Variants in ADGRL3 observed in about 807,000 individuals in gnomAD.
ADGRL3 encodes adhesion G protein-coupled receptor L3.
In ADGRL3, 62 loss-of-function variants were observed where a neutral mutation model predicts 153.5. The ratio of observed to expected loss-of-function variants is 0.40; its 90% CI spans 0.33 to 0.50. The LOEUF (loss-of-function observed/expected upper bound fraction) is 0.50. Ranked by LOEUF, ADGRL3 falls within the 20% of genes least tolerant of loss-of-function variation. ADGRL3 has a pLI of 0.47. For missense variants in ADGRL3, 1,641 were observed against 1,859.4 expected (o/e 0.88, Z 2.16); for synonymous variants, 710 against 672.5 (o/e 1.06, Z -0.86).
chr4:62,063,823 A>T (rs931846920), intron 25 of ADGRL3, among the ~76,000 whole-genome samples: 12 of 152,090 alleles, frequency 7.9e-5, no homozygotes, highest in East Asian at 5.8e-4. Context: ...TAAAAAATGG[A>T]TTCCTTCTGA....
chr4:61,757,328 T>A (rs2096847198), intron 8 of ADGRL3, among the ~76,000 whole-genome samples: 2 of 152,208 alleles, frequency 1.3e-5, no homozygotes, highest in Non-Finnish European at 2.9e-5. Flanking sequence ...GAGATTCAAC[T>A]TTTTCCTGGT....
At chr4:61,998,289 T>G (rs766901549) in intron 21 of ADGRL3, 24 bp downstream of exon 21, 1 of 1,299,812 alleles carries the variant, frequency 7.7e-7, no homozygotes, top group African/African-American at 1.5e-5. Context: ...ATTTTTGTTT[T>G]CTATAGGTTG....
chr4:61,752,658 A>ACAGAGGCTCACAACCTG (rs765926830), intron 8 of ADGRL3, among the ~76,000 whole-genome samples: 337 of 152,234 alleles, frequency 2.2e-3, no homozygotes, highest in Non-Finnish European at 3.1e-3. Context: ...CTGGCTGGGC[A>ACAGAGGCTCACAACCTG]CAGAGGCTCA....
At chr4:61,844,023 A>C (rs922952298) in intron 9 of ADGRL3, among the ~76,000 whole-genome samples, 6 of 150,620 alleles carry the variant, frequency 4.0e-5, no homozygotes, top group African/African-American at 1.5e-4. Flanking sequence ...CTGTCTTGAA[A>C]AAAAAAAAAA....
intron 1 of ADGRL3, among the ~76,000 whole-genome samples, chr4:61,346,497 C>T (rs1420689389): frequency 6.6e-6 from 1 of 151,756 alleles, no homozygotes; most frequent in Non-Finnish European, 1.5e-5. Flanking sequence ...GGTGGGGTGG[C>T]TCATGCCTGT....
At chr4:61,262,257 A>G (rs1180421032) in intron 1 of ADGRL3, among the ~76,000 whole-genome samples, 1 of 152,106 alleles carries the variant, frequency 6.6e-6, no homozygotes, top group East Asian at 1.9e-4. Context: ...CATATGTGTT[A>G]TTTTGTAGTA....
At chr4:61,428,831 T>TTATCTATCTATC (rs4038727) in intron 2 of ADGRL3, among the ~76,000 whole-genome samples, 50 of 135,316 alleles carry the variant, frequency 3.7e-4, no homozygotes, top group African/African-American at 8.9e-4. Flanking sequence ...TAGCTATCAT[T>TTATCTATCTATC]TATCTATCTA....
Position 61,313,802 on chromosome 4 carries a change from C to T in ADGRL3, c.-239-69322C>T, listed in dbSNP as rs73825105. ...GTTTTTTACAAAATGATTTTAGTTC[C>T]GGGTCTTAGGTGACCAGAGCCTAAC... On this transcript the variant is annotated intron_variant, in intron 1 of 26. Coordinates refer to ENST00000683033, the MANE Select transcript of ADGRL3 (RefSeq NM_001387552.1). Among the ~76,000 whole-genome samples, 313 of 152,114 alleles carry T rather than the reference C, an allele frequency of 2.1e-3. 1 individual carries two copies. Among genetic ancestry groups the T allele is most frequent in the African/African-American group, 6.9e-3 (285 of 41,506 alleles).
intron 5 of ADGRL3, among the ~76,000 whole-genome samples, chr4:61,624,673 G>C (rs988359199): frequency 6.6e-6 from 1 of 151,944 alleles, no homozygotes; most frequent in Non-Finnish European, 1.5e-5. Context: ...ATTTTATATA[G>C]AGTTTAATTG....
At chr4:61,737,207 A>C (rs1041345457) in intron 8 of ADGRL3, among the ~76,000 whole-genome samples, 1 of 152,204 alleles carries the variant, frequency 6.6e-6, no homozygotes, top group Non-Finnish European at 1.5e-5. Flanking sequence ...CTAAATCTGT[A>C]GACCCAAAGT....
chr4:61,292,155 A>T lies in ADGRL3; in HGVS notation c.-240+90390A>T, dbSNP rs1049100632. The stretch of plus-strand genomic sequence containing the variant: ...ACTGAAGTCAGCATGAACCTCAATA[A>T]ATAGAGCAGGTGCAACTTATAGAGG... On this transcript the variant is annotated intron_variant, in intron 1 of 26. Transcript: ENST00000683033. 5.9e-5 allele frequency among the ~76,000 whole-genome samples: 9 copies of T among 152,090 alleles called. 1 individual carries two copies. Among genetic ancestry groups the T allele is most frequent in the Admixed American group, 3.9e-4 (6 of 15,252 alleles).
At chr4:61,418,800 T>C (rs549021152) in intron 2 of ADGRL3, among the ~76,000 whole-genome samples, 12 of 150,544 alleles carry the variant, frequency 8.0e-5, no homozygotes, top group Non-Finnish European at 1.6e-4. Flanking sequence ...TGTTAAATGT[T>C]CATGCTTCCA....
intron 4 of ADGRL3, among the ~76,000 whole-genome samples, chr4:61,529,472 CTCCCAAAG>C (rs1482388118): frequency 1.3e-5 from 2 of 152,170 alleles, no homozygotes; most frequent in Admixed American, 1.3e-4. Flanking sequence ...TCTTCTTTCA[CTCCCAAAG>C]TGTCCTGATT....
chr4:61,245,965 T>C (rs1756895086), intron 1 of ADGRL3, among the ~76,000 whole-genome samples: 1 of 152,072 alleles, frequency 6.6e-6, no homozygotes, highest in African/African-American at 2.4e-5. Flanking sequence ...GTGATATCTG[T>C]GAGTCCCCCC....
At chr4:61,698,039 T>C (rs1437239958) in intron 6 of ADGRL3, among the ~76,000 whole-genome samples, 2 of 152,164 alleles carry the variant, frequency 1.3e-5, no homozygotes, top group South Asian at 2.1e-4. Flanking sequence ...TGGAAGAGAA[T>C]GTAACTCATT....
In ADGRL3 at chr4:62,071,560, T is replaced by G. The variant is rs1030223165; in HGVS notation, c.*652T>G. The G allele has an allele frequency of 1.7e-5, 3 of 177,414 alleles. No homozygotes were observed. The highest frequency in any genetic ancestry group is 7.2e-5 in the African/African-American group (3 of 41,736). The allele number at this position is 177,414 out of a possible 1,614,324, so 11.0% of individuals were successfully genotyped here. On this transcript the variant is annotated 3_prime_UTR_variant, in exon 27 of 27. Transcript: ENST00000683033. Reference sequence around the variant, plus strand: ...AGAAAAAGAAGTTGAGCAATTTCTATGTAATGTACAGATACTAGCATTGCA... The same window carrying G: ...AGAAAAAGAAGTTGAGCAATTTCTAGGTAATGTACAGATACTAGCATTGCA...
At chr4:61,831,285 A>C (rs919238514) in intron 9 of ADGRL3, among the ~76,000 whole-genome samples, 6 of 152,016 alleles carry the variant, frequency 3.9e-5, no homozygotes, top group Non-Finnish European at 8.8e-5. Flanking sequence ...CTCACACTGG[A>C]AACAAGGTGA....
intron 4 of ADGRL3, among the ~76,000 whole-genome samples, chr4:61,530,671 G>C (rs1004054526): frequency 6.6e-6 from 1 of 152,102 alleles, no homozygotes; most frequent in African/African-American, 2.4e-5. Context: ...GATACTACCA[G>C]CTCTCTATAG....
chr4:61,359,745 C>G (rs1226473056), intron 1 of ADGRL3, among the ~76,000 whole-genome samples: 1 of 152,114 alleles, frequency 6.6e-6, no homozygotes, highest in Admixed American at 6.6e-5. Context: ...TGTTATTGCT[C>G]TAAACTCCCC....
Sources: gnomAD v4.1 joint callset for allele counts (sites outside exome capture counted in the v4.1 genomes callset) on GRCh38, gnomAD v4.1.1 for gene constraint, MANE v1.5 for transcripts, NCBI Gene and HGNC (gene_info 2026-07-23, HGNC 2026-07-21) for gene names.